Variants in ADM2 observed in about 807,000 individuals in gnomAD.
ADM2 encodes protein ADM2.
Under a neutral mutation model 7.1 loss-of-function variants are expected in ADM2, and 5 were observed. The ratio of observed to expected loss-of-function variants is 0.71; its 90% CI spans 0.37 to 1.49. The LOEUF (loss-of-function observed/expected upper bound fraction) is 1.49. ADM2 is among the 40% of genes most tolerant of loss of function. ADM2 has a pLI of 0.03. For synonymous variants in ADM2, 123 were observed against 92.8 expected, an observed-to-expected ratio of 1.33 and a Z score of -1.87; for missense variants, 236 against 211.2, an observed-to-expected ratio of 1.12 and a Z score of -0.73.
In ADM2 at chr22:50,482,710, G is replaced by A; in HGVS notation, c.254G>A (p.Gly85Asp). 6.2e-7 allele frequency: 1 copy of A among 1,605,940 alleles called. No homozygotes were observed. The highest frequency in any genetic ancestry group is 8.5e-7 in the Non-Finnish European group (1 of 1,176,270). Residue 85 changes from glycine (G) to aspartate (D), a missense_variant, in exon 3 of 3, where the codon GGT becomes GAT. Gly to Asp is a moderately conservative substitution (Grantham distance 94, BLOSUM62 -1). Transcript: ENST00000395737. ...APVMGQPLRD[G>D]GRQHSGPRRH... ...GTTATGGGTCAGCCTCTCCGGGATG[G>A]TGGCCGCCAACACTCGGGCCCCCGA...
chr22:50,482,227 C>A (rs2068205109), intron 2 of ADM2, among the ~76,000 whole-genome samples: 1 of 152,162 alleles, frequency 6.6e-6, no homozygotes, highest in Admixed American at 6.5e-5. Context: ...GGGAGGCTGG[C>A]GGTATCCCTG....
chr22:50,482,746 G>T lies in ADM2; in HGVS notation c.290G>T (p.Gly97Val), dbSNP rs2148631294. 2 of 1,550,832 alleles carry T rather than the reference G, an allele frequency of 1.3e-6. No individual in the cohort carries two copies. The highest frequency in any genetic ancestry group is 4.7e-5 in the East Asian group (2 of 42,872). The change falls in exon 3 of 3, where the codon GGC (glycine) becomes GTC (valine). Residue 97 changes from glycine to valine, a missense_variant. Physicochemically the swap from Gly to Val is moderately radical, Grantham distance 109 (BLOSUM62 -3). Coordinates refer to ENST00000395737, the MANE Select transcript of ADM2 (RefSeq NM_001253845.2). ...CACTCGGGCCCCCGAAGACACTCGGGCCCCCGCAGGACCCAAGCCCAGCTC... is the reference window on the plus strand; with the variant it reads ...CACTCGGGCCCCCGAAGACACTCGGTCCCCCGCAGGACCCAAGCCCAGCTC... Reference protein sequence around the residue: ...RQHSGPRRHSGPRRTQAQLLR... With the variant: ...RQHSGPRRHSVPRRTQAQLLR...
rs1444762732 is a variant in ADM2, at chr22:50,486,426, T to A, written c.*3523T>A. On this transcript the variant is annotated 3_prime_UTR_variant, in exon 3 of 3. Coordinates refer to ENST00000395737, the MANE Select transcript of ADM2 (RefSeq NM_001253845.2). The stretch of plus-strand genomic sequence containing the variant: ...ACCACTCTCTTGAATAAAGCTTTTC[T>A]CACCATTTTAACAAGTCCTCAGAAT... The A allele has an allele frequency of 5.7e-6, 1 of 174,378 alleles. No homozygotes were observed. Among genetic ancestry groups the A allele is most frequent in the Non-Finnish European group, 1.2e-5 (1 of 81,682 alleles). 10.8% of individuals were successfully genotyped at this position (174,378 alleles called of 1,614,324 possible).
Position 50,483,185 on chromosome 22 carries a change from G to A in ADM2, c.*282G>A. ...ATGCTAAGCGCTTCAGAGAGGAGGT[G>A]TCTGCCCAGAGATGTGGAGCAGAAG... On this transcript the variant is annotated 3_prime_UTR_variant, in exon 3 of 3. Coordinates refer to ENST00000395737, the MANE Select transcript of ADM2 (RefSeq NM_001253845.2). 4.7e-6 allele frequency: 3 copies of A among 644,014 alleles called. No individual in the cohort carries two copies. The highest frequency in any genetic ancestry group is 8.6e-6 in the Non-Finnish European group (3 of 348,026). 39.9% of individuals were successfully genotyped at this position (644,014 alleles called of 1,614,324 possible). A position where few individuals can be genotyped will look rare whatever the true frequency, so the allele number is the denominator to read the frequency against.
chr22:50,485,169 C>CA lies in ADM2; in HGVS notation c.*2277dup, dbSNP rs35540033. 0.015 allele frequency: 2,145 copies of CA among 143,932 alleles called. 44 individuals carry two copies. Among genetic ancestry groups the CA allele is most frequent in the African/African-American group, 0.046 (1,801 of 39,150 alleles). The allele number at this position is 143,932 out of a possible 1,614,324, so 8.9% of individuals were successfully genotyped here. A position where few individuals can be genotyped will look rare whatever the true frequency, so the allele number is the denominator to read the frequency against. On this transcript the variant is annotated 3_prime_UTR_variant, in exon 3 of 3. Transcript: ENST00000395737. ...GGGCAACAAGAGCAAAATTCTGCCTCAAAAAAAAAAATAGTAATAATACAA... is the reference window on the plus strand; with the variant it reads ...GGGCAACAAGAGCAAAATTCTGCCTCAAAAAAAAAAAATAGTAATAATACAA...
chr22:50,482,671 C>T lies in ADM2; in HGVS notation c.215C>T (p.Ala72Val), dbSNP rs2068210852. Residue 72 changes from alanine (A) to valine (V), a missense_variant, in exon 3 of 3, where the codon GCC (alanine) becomes GTC (valine). Transcript: ENST00000395737. ...CGGGCCCTCCAGGCACAGAGGGGTGCCGGCCTGGCCCCTGTTATGGGTCAG... is the reference window on the plus strand; with the variant it reads ...CGGGCCCTCCAGGCACAGAGGGGTGTCGGCCTGGCCCCTGTTATGGGTCAG... ...LHRALQAQRG[A>V]GLAPVMGQPL... 1.3e-6 allele frequency: 2 copies of T among 1,585,964 alleles called. No individual in the cohort carries two copies. Among genetic ancestry groups the T allele is most frequent in the African/African-American group, 1.3e-5 (1 of 74,352 alleles).
At chr22:50,482,027 G>A in intron 2 of ADM2, 70 bp downstream of exon 2, 1 of 1,395,974 alleles carries the variant, frequency 7.2e-7, no homozygotes, top group Non-Finnish European at 9.7e-7. Context: ...GGGGCCGCGG[G>A]GCCGCCCTCC....
At position 50,481,729 on chromosome 22, in the gene ADM2, ACGCCCGG is replaced by A; in HGVS notation, c.-40_-34del. On this transcript the variant is annotated 5_prime_UTR_variant, in exon 1 of 3. Transcript: ENST00000395737. ...CGCCCGTGCCCAGCTTGCCACGCCC[ACGCCCGG>A]CGCCCCGACCGCGGAGGACTCCCCG... The A allele has an allele frequency of 1.8e-6, 1 of 566,500 alleles. No homozygotes were observed. Among genetic ancestry groups the A allele is most frequent in the Non-Finnish European group, 2.7e-6 (1 of 366,772 alleles). 35.1% of individuals were successfully genotyped at this position (566,500 alleles called of 1,614,324 possible).
At chr22:50,482,536 T>A in intron 2 of ADM2, 31 bp from the exon 3 acceptor site, 2 of 1,447,110 alleles carry the variant, frequency 1.4e-6, no homozygotes, top group Non-Finnish European at 1.8e-6. Flanking sequence ...GGCTGAGCCA[T>A]CTGGTTGACA....
At position 50,484,131 on chromosome 22, in the gene ADM2, G is replaced by A. The variant is rs1273962575; in HGVS notation, c.*1228G>A. 1.3e-5 allele frequency: 2 copies of A among 152,428 alleles called. No individual in the cohort carries two copies. The highest frequency in any genetic ancestry group is 3.4e-3 in the Middle Eastern group (1 of 296). 9.4% of individuals were successfully genotyped at this position (152,428 alleles called of 1,614,324 possible). A position where few individuals can be genotyped will look rare whatever the true frequency, so the allele number is the denominator to read the frequency against. On this transcript the variant is annotated 3_prime_UTR_variant, in exon 3 of 3. Coordinates refer to ENST00000395737, the MANE Select transcript of ADM2 (RefSeq NM_001253845.2). ...CTCAGTTCCTACCTCCAAGGGGGAG[G>A]GTCCTGGAAGCGCCCACCCAGGCGC...
Position 50,486,256 on chromosome 22 carries a change from C to T in ADM2, c.*3353C>T, listed in dbSNP as rs141276299. ...CCCACCCTTGATCTCATCACCCTGC[C>T]GGCCTCCTGCAAGATCCTCATTGAG... On this transcript the variant is annotated 3_prime_UTR_variant, in exon 3 of 3. Transcript: ENST00000395737. 3.3e-3 allele frequency: 507 copies of T among 153,492 alleles called. 5 individuals carry two copies. The highest frequency in any genetic ancestry group is 0.027 in the Middle Eastern group (8 of 294). The allele number at this position is 153,492 out of a possible 1,614,324, so 9.5% of individuals were successfully genotyped here.
chr22:50,481,902 C>G lies in ADM2; in HGVS notation c.55C>G (p.Leu19Val). Residue 19 changes from leucine to valine, a missense_variant, in exon 2 of 3, where the codon CTC (leucine) becomes GTC (valine). Leu to Val is a conservative substitution (Grantham distance 32). Transcript: ENST00000395737. Reference sequence around the variant, plus strand: ...TTGCATCAGCCTCCTCTGCCTGCAGCTCCCTGGCTCGCTGTCCCGCAGCCT... The same window carrying G: ...TTGCATCAGCCTCCTCTGCCTGCAGGTCCCTGGCTCGCTGTCCCGCAGCCT... ...LGCISLLCLQ[L>V]PGSLSRSLGG... is the part of the protein sequence containing the mutation. The G allele has an allele frequency of 2.0e-6, 3 of 1,533,520 alleles. No homozygotes were observed. The highest frequency in any genetic ancestry group is 1.7e-6 in the Non-Finnish European group (2 of 1,142,924). The allele number at this position is 1,533,520 out of a possible 1,614,324, so 95.0% of individuals were successfully genotyped here.
rs575147773 is a variant in ADM2, at chr22:50,483,610, A to G, written c.*707A>G. ...GGACAGGGACACCCCTTTCTACCCCAGGGCAGGGCAGGGCTGGGTGGGGCA... is the reference window on the plus strand; with the variant it reads ...GGACAGGGACACCCCTTTCTACCCCGGGGCAGGGCAGGGCTGGGTGGGGCA... On this transcript the variant is annotated 3_prime_UTR_variant, in exon 3 of 3. Transcript: ENST00000395737. The G allele has an allele frequency of 2.1e-3, 573 of 273,952 alleles. 12 individuals are homozygous for G. Among genetic ancestry groups the G allele is most frequent in the South Asian group, 0.019 (560 of 30,066 alleles). The allele number at this position is 273,952 out of a possible 1,614,324, so 17.0% of individuals were successfully genotyped here.
chr22:50,482,712 G>A lies in ADM2; in HGVS notation c.256G>A (p.Gly86Ser). The change falls in exon 3 of 3, where the codon GGC becomes AGC. Residue 86 changes from glycine (G) to serine (S), a missense_variant. Coordinates refer to ENST00000395737, the MANE Select transcript of ADM2 (RefSeq NM_001253845.2). ...TATGGGTCAGCCTCTCCGGGATGGT[G>A]GCCGCCAACACTCGGGCCCCCGAAG... is the stretch of plus-strand genomic sequence containing the variant. ...PVMGQPLRDG[G>S]RQHSGPRRHS... 1 of 1,605,766 alleles carries A rather than the reference G, an allele frequency of 6.2e-7. No homozygotes were observed. The highest frequency in any genetic ancestry group is 8.5e-7 in the Non-Finnish European group (1 of 1,176,164).
Position 50,481,913 on chromosome 22 carries a change from G to C in ADM2, c.66G>C (p.Ser22=), listed in dbSNP as rs771579421. 13 of 1,533,124 alleles carry C rather than the reference G, an allele frequency of 8.5e-6. No individual in the cohort carries two copies. The highest frequency in any genetic ancestry group is 1.4e-5 in the African/African-American group (1 of 70,790). 95.0% of individuals were successfully genotyped at this position (1,533,124 alleles called of 1,614,324 possible). Residue 22 remains serine (S), a synonymous_variant, in exon 2 of 3, where the codon TCG becomes TCC. Transcript: ENST00000395737. ...ISLLCLQLPG[S]LSRSLGGDPR... ...TCCTCTGCCTGCAGCTCCCTGGCTC[G>C]CTGTCCCGCAGCCTGGGCGGGGACC...
rs750720500 is a variant in ADM2 at position 50,483,099 on chromosome 22, A to T, written c.*196A>T. The T allele has an allele frequency of 2.1e-6, 2 of 960,914 alleles. No homozygotes were observed. Among genetic ancestry groups the T allele is most frequent in the Admixed American group, 2.0e-5 (1 of 50,176 alleles). The allele number at this position is 960,914 out of a possible 1,614,324, so 59.5% of individuals were successfully genotyped here. A position where few individuals can be genotyped will look rare whatever the true frequency, so the allele number is the denominator to read the frequency against. On this transcript the variant is annotated 3_prime_UTR_variant, in exon 3 of 3. Transcript: ENST00000395737. ...AGTGCTGGTACGTCAAGGAGCCTAA[A>T]CACCCTGAAATTGTGACCCCCTGGG...
chr22:50,486,374 T>C lies in ADM2; in HGVS notation c.*3471T>C, dbSNP rs776852892. 6.9e-5 allele frequency: 11 copies of C among 159,252 alleles called. No individual in the cohort carries two copies. Among genetic ancestry groups the C allele is most frequent in the Non-Finnish European group, 1.4e-4 (10 of 72,234 alleles). 9.9% of individuals were successfully genotyped at this position (159,252 alleles called of 1,614,324 possible). On this transcript the variant is annotated 3_prime_UTR_variant, in exon 3 of 3. Coordinates refer to ENST00000395737, the MANE Select transcript of ADM2 (RefSeq NM_001253845.2). ...AACGCCATCAATCTCCAGCTGTGGT[T>C]GTTGAACTCGGAGGTGAGCTCCTCT...
At position 50,485,367 on chromosome 22, in the gene ADM2, C is replaced by G. The variant is rs1189963183; in HGVS notation, c.*2464C>G. The G allele has an allele frequency of 6.6e-6, 1 of 151,990 alleles. No homozygotes were observed. Among genetic ancestry groups the G allele is most frequent in the East Asian group, 1.9e-4 (1 of 5,186 alleles). The allele number at this position is 151,990 out of a possible 1,614,324, so 9.4% of individuals were successfully genotyped here. A position where few individuals can be genotyped will look rare whatever the true frequency, so the allele number is the denominator to read the frequency against. ...GTTTCAAAAAAAAAAAACCTCCTCT[C>G]TTCCTTCACACCTTCCTCTGAATCC... On this transcript the variant is annotated 3_prime_UTR_variant, in exon 3 of 3. Coordinates refer to ENST00000395737, the MANE Select transcript of ADM2 (RefSeq NM_001253845.2).
intron 2 of ADM2, among the ~76,000 whole-genome samples, 182 bp downstream of exon 2, chr22:50,482,139 C>T (rs1317681239): frequency 6.6e-6 from 1 of 152,200 alleles, no homozygotes; most frequent in African/African-American, 2.4e-5. Flanking sequence ...CTTTCTCTGC[C>T]TCCCTACACA....
Sources: allele counts gnomAD v4.1 joint callset (sites outside exome capture counted in the v4.1 genomes callset), GRCh38; gene constraint gnomAD v4.1.1; transcripts MANE v1.5; gene names NCBI Gene and HGNC (gene_info 2026-07-23, HGNC 2026-07-21).